The following DIS3L2 variants were observed in gnomAD, a reference collection of about 807,000 sequenced individuals.
DIS3L2 encodes the protein DIS3-like exonuclease 2.
A neutral mutation model predicts 97.5 loss-of-function variants in DIS3L2; 34 were observed. The ratio of observed to expected loss-of-function variants is 0.35; its 90% CI spans 0.27 to 0.46. The LOEUF (loss-of-function observed/expected upper bound fraction) is 0.46. DIS3L2 is among the 20% of genes least tolerant of loss of function. DIS3L2 has a pLI of 1.00. For synonymous variants in DIS3L2, 435 were observed against 445.2 expected (o/e 0.98, Z 0.29); for missense variants, 1,038 against 1,146.0 (o/e 0.91, Z 1.36).
At chr2:232,106,230 C>T (rs994606126) in intron 6 of DIS3L2, among the ~76,000 whole-genome samples, 4 of 152,138 alleles carry the variant, frequency 2.6e-5, no homozygotes, top group African/African-American at 9.7e-5. Flanking sequence ...TGGCCCTGGT[C>T]GGGTCCTACA....
chr2:232,247,051 T>C (rs1302591851), intron 11 of DIS3L2, among the ~76,000 whole-genome samples: 5 of 152,236 alleles, frequency 3.3e-5, no homozygotes, highest in Non-Finnish European at 7.3e-5. Context: ...TATAATGCAT[T>C]GTCAGATGCT....
chr2:231,972,183 CAAAAAATA>C (rs1392185030), intron 1 of DIS3L2, among the ~76,000 whole-genome samples: 4 of 149,216 alleles, frequency 2.7e-5, no homozygotes, highest in Admixed American at 6.7e-5. Flanking sequence ...GACTCGGTCT[CAAAAAATA>C]AAAAAATAAA....
At chr2:232,275,568 C>T (rs141347451) in intron 13 of DIS3L2, among the ~76,000 whole-genome samples, 6 of 152,246 alleles carry the variant, frequency 3.9e-5, no homozygotes, top group East Asian at 1.9e-4. Context: ...TATTGTAGCA[C>T]GGTTTGTTTT....
chr2:232,173,015 G>C (rs1366318518), intron 9 of DIS3L2, among the ~76,000 whole-genome samples: 1 of 152,148 alleles, frequency 6.6e-6, no homozygotes, highest in African/African-American at 2.4e-5. Context: ...TGTAGTTTCT[G>C]TATTCCAAAC....
chr2:232,136,185 C>T (rs781282403), intron 7 of DIS3L2, among the ~76,000 whole-genome samples: 1 of 152,184 alleles, frequency 6.6e-6, no homozygotes, highest in Non-Finnish European at 1.5e-5. Flanking sequence ...TACTTCCCTG[C>T]TGGAGTCCCA....
At chr2:231,972,584 C>T (rs1156852400) in intron 1 of DIS3L2, among the ~76,000 whole-genome samples, 1 of 151,888 alleles carries the variant, frequency 6.6e-6, no homozygotes, top group Non-Finnish European at 1.5e-5. Context: ...TGCTCTGTCA[C>T]CCAGGCTGGA....
intron 10 of DIS3L2, among the ~76,000 whole-genome samples, chr2:232,221,388 A>C (rs1692503223): frequency 6.6e-6 from 1 of 152,216 alleles, no homozygotes; most frequent in South Asian, 2.1e-4. Context: ...TACAGTCTTC[A>C]ATTTTCAGGA....
intron 6 of DIS3L2, among the ~76,000 whole-genome samples, chr2:232,093,074 G>C (rs7568107): frequency 0.1 from 15,265 of 152,128 alleles, 1,760 homozygotes; most frequent in African/African-American, 0.28. Context: ...TCTGTACCCA[G>C]TTTTTCAAGG....
At chr2:232,333,095 C>A (rs1263536787) in intron 16 of DIS3L2, among the ~76,000 whole-genome samples, 2 of 151,828 alleles carry the variant, frequency 1.3e-5, no homozygotes, top group Non-Finnish European at 2.9e-5. Flanking sequence ...GCGGCCTCCT[C>A]CTCTTCCTCC....
At chr2:232,340,805 C>T (rs1479528576), downstream of DIS3L2, 2 of 471,466 alleles carry the variant, frequency 4.2e-6, no homozygotes, top group Non-Finnish European at 8.8e-6. Context: ...GTCTGCAAGC[C>T]CCTTGGTGTG....
At chr2:232,273,935 C>G (rs1233387817) in intron 13 of DIS3L2, among the ~76,000 whole-genome samples, 1 of 152,210 alleles carries the variant, frequency 6.6e-6, no homozygotes. Flanking sequence ...TCTAATGCTC[C>G]TTCTGCAAAA....
intron 13 of DIS3L2, among the ~76,000 whole-genome samples, chr2:232,266,985 G>C (rs931417558): frequency 6.6e-6 from 1 of 152,178 alleles, no homozygotes; most frequent in Non-Finnish European, 1.5e-5. Context: ...TGGGGGCTGA[G>C]TGTGCGGCAC....
chr2:232,164,562 G>C (rs1690747284), intron 9 of DIS3L2, among the ~76,000 whole-genome samples: 1 of 152,112 alleles, frequency 6.6e-6, no homozygotes, highest in African/African-American at 2.4e-5. Context: ...AGCTCTGGGT[G>C]CCTGTTACCC....
chr2:232,018,008 TA>T (rs1477961044), intron 3 of DIS3L2, among the ~76,000 whole-genome samples: 1 of 152,204 alleles, frequency 6.6e-6, no homozygotes, highest in Non-Finnish European at 1.5e-5. Context: ...GACTGTTGCT[TA>T]ATACATTTAT....
intron 6 of DIS3L2, among the ~76,000 whole-genome samples, chr2:232,121,589 C>G (rs532538006): frequency 6.6e-6 from 1 of 152,144 alleles, no homozygotes; most frequent in Non-Finnish European, 1.5e-5. Context: ...CTGAAATACT[C>G]TTCCTGTGAT....
At chr2:231,990,625 G>A (rs1026166801) in intron 1 of DIS3L2, among the ~76,000 whole-genome samples, 1 of 152,086 alleles carries the variant, frequency 6.6e-6, no homozygotes, top group Non-Finnish European at 1.5e-5. Context: ...GCCTTATTTG[G>A]TAGCAAAGCT....
chr2:232,163,400 A>G (rs1690711210), intron 8 of DIS3L2, 59 bp from the exon 9 acceptor site: 1 of 1,548,976 alleles, frequency 6.5e-7, no homozygotes, highest in African/African-American at 1.4e-5. Context: ...GAGAGGAGAC[A>G]GGTACCTATG....
chr2:231,968,497 C>T (rs534184858), intron 1 of DIS3L2, among the ~76,000 whole-genome samples: 2 of 152,340 alleles, frequency 1.3e-5, no homozygotes, highest in African/African-American at 4.8e-5. Context: ...TTCTTTCACT[C>T]AGCATAATTG....
intron 3 of DIS3L2, among the ~76,000 whole-genome samples, chr2:232,020,482 C>T (rs1372125117): frequency 6.6e-6 from 1 of 152,108 alleles, no homozygotes; most frequent in African/African-American, 2.4e-5. Flanking sequence ...GGAGGCATCC[C>T]TGATGCTTGC....
Sources: allele counts gnomAD v4.1 joint callset (sites outside exome capture counted in the v4.1 genomes callset), GRCh38; gene constraint gnomAD v4.1.1; transcripts MANE v1.5; gene names NCBI Gene and HGNC (gene_info 2026-07-23, HGNC 2026-07-21).